The following HIPK3 variants were observed in gnomAD, a reference collection of about 807,000 sequenced individuals.
HIPK3 encodes homeodomain-interacting protein kinase 3.
A neutral mutation model predicts 124.2 loss-of-function variants in HIPK3; 47 were observed. That is an observed-to-expected ratio of 0.38 (90% CI 0.30 to 0.48). The LOEUF (loss-of-function observed/expected upper bound fraction) is 0.48, where lower values mean the gene tolerates loss of function less well. Ranked by LOEUF, HIPK3 falls within the 20% of genes least tolerant of loss-of-function variation. The probability of loss-of-function intolerance (pLI) is 0.98; values close to 1 mark genes in which losing one functional copy is unlikely to be tolerated. For synonymous variants in HIPK3, 482 were observed against 515.2 expected (o/e 0.94, Z 0.87); for missense variants, 1,286 against 1,454.3 (o/e 0.88, Z 1.88).
In HIPK3 at chr11:33,337,104, G is replaced by T. The variant is rs774266359; in HGVS notation, c.1251G>T (p.Leu417Phe). 6.2e-7 allele frequency: 1 copy of T among 1,603,350 alleles called. No homozygotes were observed. The highest frequency in any genetic ancestry group is 1.1e-5 in the South Asian group (1 of 90,156). Residue 417 changes from leucine to phenylalanine, a missense_variant, in exon 4 of 17, where the codon TTG becomes TTT. This residue lies in a region of HIPK3 where 251 missense variants were observed against 349.1 expected (regional missense o/e 0.72). Transcript: ENST00000303296. ...GATACATTTCTCAGACTCAAGGTTT[G>T]CCAGGAGAACAGTTGTTAAATGTGG... ...QIRYISQTQG[L>F]PGEQLLNVGT... is the part of the protein sequence containing the mutation.
intron 14 of HIPK3, among the ~76,000 whole-genome samples, chr11:33,351,292 A>C (rs1853649840): frequency 6.6e-6 from 1 of 152,184 alleles, no homozygotes; most frequent in South Asian, 2.1e-4. Flanking sequence ...TGTCTTGATG[A>C]AATTATCTGG....
Position 33,287,155 on chromosome 11 carries a change from G to T in HIPK3, c.741G>T (p.Arg247Ser), listed in dbSNP as rs150819399. ...QGQIEVSILA[R>S]LSTENADEYN... Reference sequence around the variant, plus strand: ...AAATAGAAGTGAGCATATTAGCAAGGCTCAGTACTGAAAATGCTGATGAAT... The same window carrying T: ...AAATAGAAGTGAGCATATTAGCAAGTCTCAGTACTGAAAATGCTGATGAAT... The change falls in exon 2 of 17, where the codon AGG becomes AGT. Residue 247 changes from arginine to serine, a missense_variant. Around this residue, in one of 3 missense-constraint regions of HIPK3, gnomAD observed 251 missense variants for 349.1 expected, o/e 0.72. Coordinates refer to ENST00000303296, the MANE Select transcript of HIPK3 (RefSeq NM_005734.5). The T allele has an allele frequency of 1.0e-4, 167 of 1,614,118 alleles. No homozygotes were observed. The highest frequency in any genetic ancestry group is 1.3e-4 in the Non-Finnish European group (157 of 1,179,996).
chr11:33,308,863 T>C (rs1045711047), intron 2 of HIPK3, among the ~76,000 whole-genome samples: 3 of 151,964 alleles, frequency 2.0e-5, no homozygotes, highest in Non-Finnish European at 4.4e-5. Flanking sequence ...CAATACTTTT[T>C]TTATATTTCC....
intron 2 of HIPK3, among the ~76,000 whole-genome samples, chr11:33,295,844 T>A (rs1229418518): frequency 6.6e-6 from 1 of 152,242 alleles, no homozygotes; most frequent in Non-Finnish European, 1.5e-5. Context: ...GTGGTGTAAC[T>A]GCCAGGTTTT....
At chr11:33,347,461 G>A in intron 9 of HIPK3, 47 bp downstream of exon 9, 1 of 1,609,290 alleles carries the variant, frequency 6.2e-7, no homozygotes, top group South Asian at 1.1e-5. Flanking sequence ...GTGCTTTTGG[G>A]AAATAGTGAA....
In HIPK3 at chr11:33,298,616, A is replaced by G. The variant is rs183300988; in HGVS notation, c.1097+11105A>G. Reference sequence around the variant, plus strand: ...GTTGTAGATGCCATTAAGAGCATTCATGATTCATGGCAGCATTAACAGGAA... The same window carrying G: ...GTTGTAGATGCCATTAAGAGCATTCGTGATTCATGGCAGCATTAACAGGAA... On this transcript the variant is annotated intron_variant, in intron 2 of 16. Coordinates refer to ENST00000303296, the MANE Select transcript of HIPK3 (RefSeq NM_005734.5). 5.9e-5 allele frequency among the ~76,000 whole-genome samples: 9 copies of G among 152,382 alleles called. No individual in the cohort carries two copies. In the East Asian group the frequency reaches 1.3e-3, roughly 23 times the overall value.
At position 33,353,624 on chromosome 11, in the gene HIPK3, A is replaced by G. The variant is rs1853738872; in HGVS notation, c.*56A>G. 5 of 1,156,092 alleles carry G rather than the reference A, an allele frequency of 4.3e-6. No individual in the cohort carries two copies. The highest frequency in any genetic ancestry group is 2.7e-5 in the South Asian group (2 of 73,972). 71.6% of individuals were successfully genotyped at this position (1,156,092 alleles called of 1,614,324 possible). Reference sequence around the variant, plus strand: ...CAAACATTTGATTAAAAATAAAAACATGGTATTTAATATTAGCCATGGCAC... The same window carrying G: ...CAAACATTTGATTAAAAATAAAAACGTGGTATTTAATATTAGCCATGGCAC... On this transcript the variant is annotated 3_prime_UTR_variant, in exon 17 of 17. Coordinates refer to ENST00000303296, the MANE Select transcript of HIPK3 (RefSeq NM_005734.5).
At chr11:33,257,347 G>C (rs1459027912), upstream of HIPK3, 1 of 984,412 alleles carries the variant, frequency 1.0e-6, no homozygotes, top group Non-Finnish European at 1.2e-6. Flanking sequence ...CGAGGCCGAC[G>C]AGCGCGGAGG....
At chr11:33,330,271 C>A (rs1285362301) in intron 3 of HIPK3, among the ~76,000 whole-genome samples, 2 of 152,046 alleles carry the variant, frequency 1.3e-5, no homozygotes, top group Admixed American at 6.5e-5. Flanking sequence ...AAGTCATTGG[C>A]CCTTGGCATA....
At chr11:33,289,455 AGT>A (rs1851642178) in intron 2 of HIPK3, among the ~76,000 whole-genome samples, 1 of 152,070 alleles carries the variant, frequency 6.6e-6, no homozygotes, top group Admixed American at 6.5e-5. Flanking sequence ...AAAAAAATAA[AGT>A]GTGTATTAGG....
rs183890431 is a variant in HIPK3, at chr11:33,273,237, G to A, written c.-2-13176G>A. On this transcript the variant is annotated intron_variant, in intron 1 of 16. Transcript: ENST00000303296. The stretch of plus-strand genomic sequence containing the variant: ...GAAAGGCTTTGGGCTGGGTGCGGTG[G>A]CTTACGCCTGTAATCCCAGCACTTT... Among the ~76,000 whole-genome samples, 219 of 152,206 alleles carry A rather than the reference G, an allele frequency of 1.4e-3. 2 individuals carry two copies. Among genetic ancestry groups the A allele is most frequent in the African/African-American group, 5.0e-3 (207 of 41,558 alleles).
At chr11:33,333,578 A>G (rs1232242068) in intron 3 of HIPK3, among the ~76,000 whole-genome samples, 1 of 152,148 alleles carries the variant, frequency 6.6e-6, no homozygotes, top group Non-Finnish European at 1.5e-5. Flanking sequence ...AGGCAAATAT[A>G]TTTATATATT....
chr11:33,351,577 A>G (rs1169973478), intron 14 of HIPK3, 31 bp from the exon 15 acceptor site: 5 of 1,492,492 alleles, frequency 3.4e-6, no homozygotes, highest in Non-Finnish European at 4.7e-6. Flanking sequence ...GGAAAAAAAT[A>G]TCACTCATAA....
intron 2 of HIPK3, among the ~76,000 whole-genome samples, chr11:33,312,898 G>A (rs1029877529): frequency 6.6e-6 from 1 of 152,134 alleles, no homozygotes; most frequent in Admixed American, 6.6e-5. Flanking sequence ...CTGCAGTGAC[G>A]TTTACAATTC....
At chr11:33,262,284 A>G (rs1850846275) in intron 1 of HIPK3, among the ~76,000 whole-genome samples, 1 of 152,224 alleles carries the variant, frequency 6.6e-6, no homozygotes, top group Non-Finnish European at 1.5e-5. Flanking sequence ...CTGCTTCTGT[A>G]GCTTTGCCAT....
rs770025409 is a variant in HIPK3, at chr11:33,287,491, T to C, written c.1077T>C (p.Tyr359=). ...SHVSKTVCST[Y]LQSRYYRAPE... ...TATCAAAGACTGTTTGTTCAACATA[T>C]CTACAATCTCGGTACTACAGGTAGG... is the stretch of plus-strand genomic sequence containing the variant. Residue 359 remains tyrosine, a synonymous_variant, in exon 2 of 17, where the codon TAT becomes TAC. Transcript: ENST00000303296. 1 of 1,611,148 alleles carries C rather than the reference T, an allele frequency of 6.2e-7. No homozygotes were observed. Among genetic ancestry groups the C allele is most frequent in the East Asian group, 2.2e-5 (1 of 44,822 alleles).
chr11:33,332,189 C>A (rs2133973733), intron 3 of HIPK3, among the ~76,000 whole-genome samples: 1 of 152,284 alleles, frequency 6.6e-6, no homozygotes, highest in East Asian at 1.9e-4. Context: ...CTTTCCAATG[C>A]CATTTTCTCT....
intron 3 of HIPK3, among the ~76,000 whole-genome samples, chr11:33,331,701 A>ATTT (rs1357417909): frequency 6.6e-6 from 1 of 151,906 alleles, no homozygotes; most frequent in Non-Finnish European, 1.5e-5. Context: ...TCTAATTATT[A>ATTT]TTTTTTGCCT....
At chr11:33,274,864 C>T (rs1190240999) in intron 1 of HIPK3, among the ~76,000 whole-genome samples, 2 of 152,268 alleles carry the variant, frequency 1.3e-5, no homozygotes, top group African/African-American at 2.4e-5. Context: ...TGTTATTTAA[C>T]ATGCTGATTT....
Sources: allele counts gnomAD v4.1 joint callset (sites outside exome capture counted in the v4.1 genomes callset), GRCh38; gene constraint gnomAD v4.1.1; regional missense constraint gnomAD v4.1.1; transcripts MANE v1.5; gene names NCBI Gene and HGNC (gene_info 2026-07-23, HGNC 2026-07-21).